The following NTNG2 variants were observed in gnomAD, a reference collection of about 807,000 sequenced individuals.
The protein encoded by NTNG2 is netrin G2, also known as netrin-G2.
NTNG2 carries 15 observed loss-of-function variants against 47.6 expected under a neutral mutation model. The ratio of observed to expected loss-of-function variants is 0.32; its 90% CI spans 0.21 to 0.49. NTNG2 has a LOEUF of 0.49. Among genes scored for constraint, NTNG2 ranks in the 20% least tolerant of loss-of-function variants. The pLI is 0.99. For missense variants in NTNG2, 578 were observed against 764.6 expected (o/e 0.76, Z 2.88); for synonymous variants, 307 against 324.6 (o/e 0.95, Z 0.58).
intron 2 of NTNG2, among the ~76,000 whole-genome samples, chr9:132,173,833 A>G (rs1836136248): frequency 1.5e-5 from 2 of 137,140 alleles, no homozygotes; most frequent in African/African-American, 2.8e-5. Flanking sequence ...AGGCCACACC[A>G]TGCTGCGGAT....
At chr9:132,240,780 G>A in intron 6 of NTNG2, 130 bp from the exon 7 acceptor site, 1 of 1,411,710 alleles carries the variant, frequency 7.1e-7, no homozygotes, top group Non-Finnish European at 9.7e-7. Context: ...GCGGGCTCAC[G>A]TGGACCCAGT....
At position 132,182,059 on chromosome 9, in the gene NTNG2, G is replaced by T. The variant is rs1336968454; in HGVS notation, c.213+15015G>T. ...GCACACCCCGGCAGCCCAGAGAAGG[G>T]AGGGCCCGGAGGAGTGACGGTGTTC... On this transcript the variant is annotated intron_variant, in intron 2 of 7. Coordinates refer to ENST00000393229, the MANE Select transcript of NTNG2 (RefSeq NM_032536.4). This position sits in a 1 kb window ranked among gnomAD's most constrained non-coding sequence, Gnocchi z 4.2. 6.6e-6 allele frequency among the ~76,000 whole-genome samples: 1 copy of T among 152,244 alleles called. No homozygotes were observed. The highest frequency in any genetic ancestry group is 1.5e-5 in the Non-Finnish European group (1 of 68,044).
At chr9:132,227,669 G>A (rs1171954844) in intron 4 of NTNG2, among the ~76,000 whole-genome samples, 3 of 152,106 alleles carry the variant, frequency 2.0e-5, no homozygotes, top group Non-Finnish European at 4.4e-5. Flanking sequence ...GAGTCCCCCC[G>A]CACGTGCTCT....
intron 2 of NTNG2, among the ~76,000 whole-genome samples, chr9:132,193,368 T>C (rs752224158): frequency 2.0e-5 from 3 of 152,052 alleles, no homozygotes; most frequent in Non-Finnish European, 4.4e-5. Context: ...AACAACTCTA[T>C]GATGGATGAT....
In NTNG2 at chr9:132,171,965, G is replaced by A. The variant is rs181971008; in HGVS notation, c.213+4921G>A. ...CACAGTTGTGATGGGAAAGTGAGAT[G>A]ACTAGAGATAAATTAAGTGAAAAAC... On this transcript the variant is annotated intron_variant, in intron 2 of 7. Transcript: ENST00000393229. Among the ~76,000 whole-genome samples, 5 of 152,328 alleles carry A rather than the reference G, an allele frequency of 3.3e-5. No homozygotes were observed. In the East Asian group the frequency reaches 9.6e-4, roughly 29 times the overall value.
At chr9:132,209,659 G>A (rs961984275) in intron 3 of NTNG2, among the ~76,000 whole-genome samples, 2 of 152,242 alleles carry the variant, frequency 1.3e-5, no homozygotes, top group Non-Finnish European at 2.9e-5. Flanking sequence ...AGCAGAGCCC[G>A]GGAGTCCGGG....
chr9:132,209,498 G>A (rs1272878222), intron 3 of NTNG2, among the ~76,000 whole-genome samples: 2 of 152,208 alleles, frequency 1.3e-5, no homozygotes, highest in Admixed American at 6.5e-5. Context: ...AGAGACAGGG[G>A]GAATCTGGCA....
At position 132,229,998 on chromosome 9, in the gene NTNG2, C is replaced by T. The variant is rs571271298; in HGVS notation, c.1031-574C>T. On this transcript the variant is annotated intron_variant, in intron 4 of 7. Coordinates refer to ENST00000393229, the MANE Select transcript of NTNG2 (RefSeq NM_032536.4). The stretch of plus-strand genomic sequence containing the variant: ...CTATATTTCTCCCCAAGCCGTGTGT[C>T]CTCAGCTGTAGAATCAGGACCATAA... Among the ~76,000 whole-genome samples, 6 of 152,360 alleles carry T rather than the reference C, an allele frequency of 3.9e-5. No homozygotes were observed. In the South Asian group the frequency reaches 8.3e-4, roughly 21 times the overall value.
At chr9:132,173,478 T>C (rs2131307614) in intron 2 of NTNG2, among the ~76,000 whole-genome samples, 2 of 152,302 alleles carry the variant, frequency 1.3e-5, no homozygotes, top group Middle Eastern at 6.8e-3. Context: ...GTCAGAGACT[T>C]AGAGACCCCC....
intron 3 of NTNG2, among the ~76,000 whole-genome samples, chr9:132,217,002 C>G (rs535168843): frequency 2.4e-4 from 37 of 152,276 alleles, no homozygotes; most frequent in African/African-American, 8.2e-4. Flanking sequence ...ATGGAATGGA[C>G]GCGAAGCCAG....
intron 3 of NTNG2, among the ~76,000 whole-genome samples, chr9:132,202,974 G>A (rs979520781): frequency 1.3e-5 from 2 of 152,064 alleles, no homozygotes; most frequent in Admixed American, 1.3e-4. Context: ...GTGAGGAGTC[G>A]ATGAAATGCT....
chr9:132,174,389 G>A (rs1011679960), intron 2 of NTNG2, among the ~76,000 whole-genome samples: 6 of 152,070 alleles, frequency 3.9e-5, no homozygotes, highest in African/African-American at 7.3e-5. Context: ...CGGACAGACA[G>A]GCAGGCCGCA....
At position 132,173,800 on chromosome 9, in the gene NTNG2, G is replaced by A. The variant is rs558659845; in HGVS notation, c.213+6756G>A. Among the ~76,000 whole-genome samples the A allele has an allele frequency of 2.0e-5, 3 of 150,922 alleles. No individual in the cohort carries two copies. The East Asian group carries it at 5.9e-4, about 30-fold the overall frequency. Reference sequence around the variant, plus strand: ...GCAGGTCGAACCATACTGCGGATGAGACGGACGGACGGACAGACAGGCAGG... The same window carrying A: ...GCAGGTCGAACCATACTGCGGATGAAACGGACGGACGGACAGACAGGCAGG... On this transcript the variant is annotated intron_variant, in intron 2 of 7. Transcript: ENST00000393229.
chr9:132,210,392 C>T (rs770872552), intron 3 of NTNG2, among the ~76,000 whole-genome samples: 5 of 152,210 alleles, frequency 3.3e-5, no homozygotes, highest in Admixed American at 1.3e-4. Context: ...AGACCATGTT[C>T]CTCCGTCACT....
At chr9:132,183,601 T>A (rs1447593977) in intron 2 of NTNG2, among the ~76,000 whole-genome samples, 1 of 152,156 alleles carries the variant, frequency 6.6e-6, no homozygotes, top group Non-Finnish European at 1.5e-5. Flanking sequence ...AGGACACAGG[T>A]GACTTCTCTG....
intron 5 of NTNG2, among the ~76,000 whole-genome samples, chr9:132,238,637 C>G (rs1051633607): frequency 1.3e-5 from 2 of 152,238 alleles, no homozygotes; most frequent in African/African-American, 4.8e-5. Flanking sequence ...TCTTGTCCAG[C>G]GTCCATCCAT....
At position 132,198,153 on chromosome 9, in the gene NTNG2, C is replaced by T. The variant is rs940819038; in HGVS notation, c.401C>T (p.Thr134Ile). 3 of 1,613,758 alleles carry T rather than the reference C, an allele frequency of 1.9e-6. No individual in the cohort carries two copies. In the Admixed American group the frequency reaches 5.0e-5, roughly 27 times the overall value. ...TLSWNKTVELTDDVVMTFEYG... is the reference protein window; with the variant it reads ...TLSWNKTVELIDDVVMTFEYG... ...TCGTGGAACAAGACCGTGGAGCTGA[C>T]CGACGACGTGGTGATGACCTTCGAG... The change falls in exon 3 of 8, where the codon ACC becomes ATC. Residue 134 changes from threonine to isoleucine, a missense_variant. By Grantham distance (89) the Thr-to-Ile change is moderately conservative (BLOSUM62 -1). Coordinates refer to ENST00000393229, the MANE Select transcript of NTNG2 (RefSeq NM_032536.4).
chr9:132,202,190 T>C (rs1589451875), intron 3 of NTNG2, among the ~76,000 whole-genome samples: 1 of 152,302 alleles, frequency 6.6e-6, no homozygotes, highest in South Asian at 2.1e-4. Flanking sequence ...GGCTCCCTGC[T>C]CTGCCACTCA....
chr9:132,163,190 C>T lies in NTNG2; in HGVS notation c.-484+951C>T, dbSNP rs1487951020. Among the ~76,000 whole-genome samples, 1 of 152,160 alleles carries T rather than the reference C, an allele frequency of 6.6e-6. No homozygotes were observed. Among genetic ancestry groups the T allele is most frequent in the Non-Finnish European group, 1.5e-5 (1 of 68,008 alleles). On this transcript the variant is annotated intron_variant, in intron 1 of 7. Coordinates refer to ENST00000393229, the MANE Select transcript of NTNG2 (RefSeq NM_032536.4). The surrounding 1 kb of genome is among the most constrained non-coding windows in gnomAD (Gnocchi z 7.2). ...TGGCTTGCACGCAACTTTGGGAAGA[C>T]GAAAAGCAGCTGCGGGGCTGCCGGG...
Sources: gnomAD v4.1 joint callset for allele counts (sites outside exome capture counted in the v4.1 genomes callset) on GRCh38, gnomAD v4.1.1 for gene constraint, Gnocchi (gnomAD v3.1) non-coding constraint, MANE v1.5 for transcripts, NCBI Gene and HGNC (gene_info 2026-07-23, HGNC 2026-07-21) for gene names.